The following SLC5A10 variants were observed in gnomAD, a reference collection of about 807,000 sequenced individuals.
The protein encoded by SLC5A10 is solute carrier family 5 member 10.
Under a neutral mutation model 68.9 loss-of-function variants are expected in SLC5A10, and 55 were observed. The ratio of observed to expected loss-of-function variants is 0.80; its 90% CI spans 0.64 to 1.00. The LOEUF is 1.00. SLC5A10 is among the 50% of genes least tolerant of loss of function. The pLI is 0.00. For missense variants in SLC5A10, 732 were observed against 819.3 expected, an observed-to-expected ratio of 0.89 and a Z score of 1.30; for synonymous variants, 344 against 344.8, an observed-to-expected ratio of 1.00 and a Z score of 0.02.
Position 19,004,202 on chromosome 17 carries a change from G to C in SLC5A10, c.983-9208G>C. ...AAAGACCTGATGAGCCCGGCTCGGC[G>C]GGGAGGGCGGGCCGCGCGGGGAGGG... On this transcript the variant is annotated intron_variant, in intron 9 of 14. Transcript: ENST00000395645. The surrounding 1 kb of genome is among the most constrained non-coding windows in gnomAD (Gnocchi z 5.4). 1.5e-6 allele frequency: 1 copy of C among 649,770 alleles called. No individual in the cohort carries two copies. The highest frequency in any genetic ancestry group is 2.5e-6 in the Non-Finnish European group (1 of 407,912). The allele number at this position is 649,770 out of a possible 1,614,324, so 40.3% of individuals were successfully genotyped here. A position where few individuals can be genotyped will look rare whatever the true frequency, so the allele number is the denominator to read the frequency against.
chr17:18,965,666 C>T (rs567452819), intron 5 of SLC5A10, among the ~76,000 whole-genome samples: 7 of 152,352 alleles, frequency 4.6e-5, no homozygotes, highest in African/African-American at 1.7e-4. Flanking sequence ...ACAGGGCCCA[C>T]ACGTCCTCTC....
chr17:18,954,780 T>C (rs1041992635), intron 1 of SLC5A10, among the ~76,000 whole-genome samples: 5 of 151,978 alleles, frequency 3.3e-5, no homozygotes, highest in Admixed American at 3.3e-4. Context: ...TCTAAGAATA[T>C]AGGAAATGTA....
intron 9 of SLC5A10, among the ~76,000 whole-genome samples, chr17:18,998,098 G>A (rs1286071153): frequency 1.3e-5 from 2 of 152,236 alleles, no homozygotes; most frequent in Non-Finnish European, 2.9e-5. Context: ...AACCTGGCAA[G>A]GTACTCGAGC....
Sources: gnomAD v4.1 joint callset for allele counts (sites outside exome capture counted in the v4.1 genomes callset) on GRCh38, gnomAD v4.1.1 for gene constraint, Gnocchi (gnomAD v3.1) non-coding constraint, MANE v1.5 for transcripts, NCBI Gene and HGNC (gene_info 2026-07-23, HGNC 2026-07-21) for gene names.